Variants in KALRN observed in about 807,000 individuals in gnomAD.
KALRN encodes kalirin RhoGEF kinase.
Under a neutral mutation model 353.7 loss-of-function variants are expected in KALRN, and 70 were observed. That is an observed-to-expected ratio of 0.20 (90% CI 0.16 to 0.24). KALRN has a LOEUF of 0.24. Ranked by LOEUF, KALRN falls within the 10% of genes least tolerant of loss-of-function variation. The pLI is 1.00. For synonymous variants in KALRN, 1,391 were observed against 1,434.8 expected (o/e 0.97, Z 0.69); for missense variants, 2,791 against 3,756.7 (o/e 0.74, Z 6.72).
At chr3:124,473,343 G>C (rs1285860564) in intron 25 of KALRN, among the ~76,000 whole-genome samples, 5 of 151,840 alleles carry the variant, frequency 3.3e-5, no homozygotes, top group South Asian at 2.1e-4. Context: ...AATTTTTGAA[G>C]GTAATGTATT....
intron 1 of KALRN, among the ~76,000 whole-genome samples, chr3:124,077,286 T>A (rs79144787): frequency 0.018 from 2,800 of 152,266 alleles, 33 homozygotes; most frequent in Non-Finnish European, 0.032. Flanking sequence ...ATGCCCCAGA[T>A]GGGTGGGAAG....
intron 10 of KALRN, among the ~76,000 whole-genome samples, chr3:124,371,714 G>T (rs2085863623): frequency 6.6e-6 from 1 of 152,100 alleles, no homozygotes; most frequent in Non-Finnish European, 1.5e-5. Flanking sequence ...GAGATGTTTT[G>T]ATACAGGCAT....
At chr3:124,285,189 G>C (rs773657422) in intron 5 of KALRN, among the ~76,000 whole-genome samples, 4 of 152,182 alleles carry the variant, frequency 2.6e-5, no homozygotes, top group South Asian at 2.1e-4. Context: ...TGACTGGTTT[G>C]AACAAATGAT....
chr3:124,151,861 G>T (rs1267455903), intron 1 of KALRN: 1 of 461,798 alleles, frequency 2.2e-6, no homozygotes, highest in South Asian at 3.2e-5. Flanking sequence ...TTTAGTGTAC[G>T]GTGAGAAAGA....
chr3:124,190,189 G>A (rs2074736786), intron 1 of KALRN, among the ~76,000 whole-genome samples: 1 of 152,164 alleles, frequency 6.6e-6, no homozygotes, highest in African/African-American at 2.4e-5. Flanking sequence ...GGAAAGAACA[G>A]AGGACATTCG....
rs151265749 is a variant in KALRN, at chr3:124,599,933, C to T, written c.5183-32487C>T. ...CCAGAGTGTCTATGGGTTCCACACA[C>T]AGCTTGTTTCCCAGTGAATTCCCAG... On this transcript the variant is annotated intron_variant, in intron 34 of 59. Transcript: ENST00000682506. Among the ~76,000 whole-genome samples, 827 of 152,304 alleles carry T rather than the reference C, an allele frequency of 5.4e-3. 8 individuals are homozygous for T. The highest frequency in any genetic ancestry group is 0.019 in the African/African-American group (775 of 41,556).
chr3:124,376,851 T>C (rs2149845946), intron 10 of KALRN, among the ~76,000 whole-genome samples: 1 of 152,160 alleles, frequency 6.6e-6, no homozygotes, highest in East Asian at 1.9e-4. Context: ...ATGAGTAAGA[T>C]GGACTCTTTC....
intron 55 of KALRN, among the ~76,000 whole-genome samples, chr3:124,697,964 T>G (rs2062133350): frequency 6.6e-6 from 1 of 151,928 alleles, no homozygotes. Context: ...TATTTTCCTT[T>G]ATTTTTATTG....
chr3:124,102,872 A>G (rs1161309329), intron 1 of KALRN, among the ~76,000 whole-genome samples: 1 of 152,374 alleles, frequency 6.6e-6, no homozygotes, highest in East Asian at 1.9e-4. Context: ...GATAAATGTA[A>G]TTATTTGATA....
At chr3:124,713,202 A>G in intron 58 of KALRN, 67 bp downstream of exon 58, 6 of 1,378,628 alleles carry the variant, frequency 4.4e-6, no homozygotes, top group Non-Finnish European at 6.0e-6. Flanking sequence ...CCCACAATTA[A>G]TGGAAAAGAC....
chr3:124,507,168 G>A (rs1387688970), intron 33 of KALRN, among the ~76,000 whole-genome samples: 1 of 152,106 alleles, frequency 6.6e-6, no homozygotes, highest in Admixed American at 6.6e-5. Flanking sequence ...TTCAAATCAT[G>A]GAACCTGAAA....
intron 9 of KALRN, among the ~76,000 whole-genome samples, chr3:124,335,141 G>C (rs2081002593): frequency 1.3e-5 from 2 of 152,128 alleles, no homozygotes; most frequent in South Asian, 4.1e-4. Context: ...ATGATTGCTA[G>C]ACAGCTTGGG....
At chr3:124,085,413 C>G (rs934103437) in intron 1 of KALRN, among the ~76,000 whole-genome samples, 5 of 152,152 alleles carry the variant, frequency 3.3e-5, no homozygotes, top group African/African-American at 1.2e-4. Context: ...TGAGGTTCTT[C>G]CTGAATGCTT....
At chr3:124,297,505 T>TG (rs1211169649) in intron 5 of KALRN, among the ~76,000 whole-genome samples, 1 of 152,234 alleles carries the variant, frequency 6.6e-6, no homozygotes, top group African/African-American at 2.4e-5. Flanking sequence ...TGGAAATGGT[T>TG]GAGTTTCCAG....
chr3:124,317,790 C>T (rs1282675649), intron 6 of KALRN, among the ~76,000 whole-genome samples: 10 of 150,958 alleles, frequency 6.6e-5, no homozygotes, highest in Admixed American at 1.3e-4. Flanking sequence ...ATATATTTCC[C>T]GGAAGTCTTA....
chr3:124,378,271 G>C (rs1437101675), intron 10 of KALRN, among the ~76,000 whole-genome samples: 1 of 151,796 alleles, frequency 6.6e-6, no homozygotes, highest in African/African-American at 2.4e-5. Context: ...ACCTTCAAGT[G>C]GTATTATACC....
At chr3:124,344,440 T>A (rs1381401708) in intron 9 of KALRN, among the ~76,000 whole-genome samples, 2 of 152,238 alleles carry the variant, frequency 1.3e-5, no homozygotes, top group Non-Finnish European at 2.9e-5. Flanking sequence ...GTCCAGACAG[T>A]ATGTGGTCTA....
At chr3:124,284,251 C>A (rs762284659) in intron 5 of KALRN, among the ~76,000 whole-genome samples, 1 of 152,188 alleles carries the variant, frequency 6.6e-6, no homozygotes, top group Non-Finnish European at 1.5e-5. Context: ...CAAATCTGAG[C>A]TATCACTCCC....
At chr3:124,159,857 C>G (rs373146816) in intron 1 of KALRN, among the ~76,000 whole-genome samples, 1 of 151,898 alleles carries the variant, frequency 6.6e-6, no homozygotes, top group East Asian at 1.9e-4. Context: ...AAAGTGAGGA[C>G]TAGAGGTACT....
Sources: gnomAD v4.1 joint callset for allele counts (sites outside exome capture counted in the v4.1 genomes callset) on GRCh38, gnomAD v4.1.1 for gene constraint, MANE v1.5 for transcripts, NCBI Gene and HGNC (gene_info 2026-07-23, HGNC 2026-07-21) for gene names.